Variants in SNX9 observed in about 807,000 individuals in gnomAD.
SNX9 encodes the protein sorting nexin-9.
Under a neutral mutation model 89.4 loss-of-function variants are expected in SNX9, and 44 were observed. That is an observed-to-expected ratio of 0.49 (90% CI 0.39 to 0.63). SNX9 has a LOEUF of 0.63. Ranked by LOEUF, SNX9 falls within the 30% of genes least tolerant of loss-of-function variation. The pLI is 0.00. For missense variants in SNX9, 578 were observed against 736.1 expected (o/e 0.79, Z 2.49); for synonymous variants, 236 against 247.8 (o/e 0.95, Z 0.45).
At chr6:157,914,546 AG>A (rs2115184588) in intron 9 of SNX9, among the ~76,000 whole-genome samples, 1 of 129,834 alleles carries the variant, frequency 7.7e-6, no homozygotes, top group South Asian at 2.3e-4. Flanking sequence ...GCACCATCTC[AG>A]CTCACTACAA....
At chr6:157,855,973 G>T (rs535715144) in intron 1 of SNX9, among the ~76,000 whole-genome samples, 4 of 152,032 alleles carry the variant, frequency 2.6e-5, no homozygotes, top group Non-Finnish European at 5.9e-5. Flanking sequence ...GCTCTTGAAC[G>T]CCTGACCTCA....
intron 4 of SNX9, chr6:157,892,904 G>A (rs759792354): frequency 1.3e-5 from 2 of 152,206 alleles, no homozygotes; most frequent in Non-Finnish European, 2.9e-5. Flanking sequence ...CAGCGGAAGA[G>A]AGGTAGAGCT....
chr6:157,940,069 C>T (rs1562626427), intron 16 of SNX9, among the ~76,000 whole-genome samples: 1 of 152,318 alleles, frequency 6.6e-6, no homozygotes, highest in Middle Eastern at 3.4e-3. Context: ...TGAGTTCTGA[C>T]AGCGTCGCTG....
At chr6:157,932,669 C>T (rs1007306498) in intron 13 of SNX9, among the ~76,000 whole-genome samples, 7 of 151,564 alleles carry the variant, frequency 4.6e-5, no homozygotes, top group African/African-American at 1.7e-4. Context: ...AGTTTGAGAC[C>T]AGCCTGGGCA....
At chr6:157,897,240 A>C (rs1017257377) in intron 5 of SNX9, among the ~76,000 whole-genome samples, 3 of 152,096 alleles carry the variant, frequency 2.0e-5, no homozygotes, top group Admixed American at 6.5e-5. Context: ...CACCACTCCC[A>C]CCTTGGGTTC....
At chr6:157,941,742 G>A (rs969315098) in intron 17 of SNX9, among the ~76,000 whole-genome samples, 2 of 152,178 alleles carry the variant, frequency 1.3e-5, no homozygotes, top group African/African-American at 2.4e-5. Context: ...TGCTGAAAAC[G>A]CCTGTCTCCA....
At chr6:157,869,948 A>G (rs991798996) in intron 2 of SNX9, among the ~76,000 whole-genome samples, 5 of 151,632 alleles carry the variant, frequency 3.3e-5, no homozygotes, top group East Asian at 1.9e-4. Context: ...TACACTTTAC[A>G]TACTCTTTCA....
chr6:157,866,187 T>G (rs1288406931), intron 1 of SNX9, among the ~76,000 whole-genome samples: 3 of 152,254 alleles, frequency 2.0e-5, no homozygotes, highest in Non-Finnish European at 4.4e-5. Flanking sequence ...TCAGTGTTTC[T>G]GGACCCTGTC....
At chr6:157,855,685 A>T (rs1427779956) in intron 1 of SNX9, among the ~76,000 whole-genome samples, 1 of 152,198 alleles carries the variant, frequency 6.6e-6, no homozygotes, top group East Asian at 1.9e-4. Flanking sequence ...AGCAATCTTT[A>T]GTCTGTGTTA....
intron 1 of SNX9, among the ~76,000 whole-genome samples, chr6:157,852,134 G>T (rs1781926700): frequency 6.6e-6 from 1 of 152,136 alleles, no homozygotes; most frequent in Admixed American, 6.5e-5. Flanking sequence ...AGTGGAATTT[G>T]CTGGATCATA....
intron 9 of SNX9, among the ~76,000 whole-genome samples, chr6:157,920,388 G>A (rs1032170101): frequency 1.3e-5 from 2 of 152,144 alleles, no homozygotes; most frequent in East Asian, 3.9e-4. Context: ...CATTGAACAT[G>A]GCATCTCCCA....
intron 1 of SNX9, among the ~76,000 whole-genome samples, chr6:157,839,811 C>T (rs1781659063): frequency 6.6e-6 from 1 of 152,224 alleles, no homozygotes; most frequent in African/African-American, 2.4e-5. Flanking sequence ...AGTTTAGTAA[C>T]TCTCTCCACC....
intron 5 of SNX9, among the ~76,000 whole-genome samples, chr6:157,897,502 G>A (rs1187515186): frequency 3.9e-5 from 6 of 151,908 alleles, no homozygotes; most frequent in Non-Finnish European, 8.8e-5. Flanking sequence ...AGGCATGATC[G>A]ATTATTGTTA....
intron 11 of SNX9, among the ~76,000 whole-genome samples, chr6:157,927,728 T>G (rs1783724016): frequency 2.3e-5 from 2 of 87,718 alleles, no homozygotes; most frequent in South Asian, 7.9e-4. Context: ...CTTTTTTTTT[T>G]TTTTTTTTTT....
chr6:157,825,995 A>AT (rs1781336543), intron 1 of SNX9, among the ~76,000 whole-genome samples: 1 of 152,182 alleles, frequency 6.6e-6, no homozygotes, highest in Non-Finnish European at 1.5e-5. Flanking sequence ...GTATCTGGAT[A>AT]TTTTAAGGGA....
intron 4 of SNX9, among the ~76,000 whole-genome samples, chr6:157,875,487 G>A (rs899855690): frequency 2.6e-5 from 4 of 152,192 alleles, no homozygotes; most frequent in East Asian, 1.9e-4. Context: ...ATGGAAAGAA[G>A]AGGAAGAAGA....
At chr6:157,929,856 A>G (rs1044003641) in intron 12 of SNX9, among the ~76,000 whole-genome samples, 1 of 152,242 alleles carries the variant, frequency 6.6e-6, no homozygotes, top group Non-Finnish European at 1.5e-5. Flanking sequence ...CAGTATTACT[A>G]TTCAATCCAG....
chr6:157,890,383 T>C (rs1452536103), intron 4 of SNX9, among the ~76,000 whole-genome samples: 1 of 152,236 alleles, frequency 6.6e-6, no homozygotes, highest in African/African-American at 2.4e-5. Flanking sequence ...GTGAATGTGT[T>C]TAAATAAGTC....
intron 1 of SNX9, among the ~76,000 whole-genome samples, chr6:157,850,373 A>T (rs1367852627): frequency 2.0e-5 from 3 of 152,170 alleles, no homozygotes; most frequent in Non-Finnish European, 4.4e-5. Context: ...AAGAGAAGGT[A>T]TTATTCAAAG....
Sources: gnomAD v4.1 joint callset for allele counts (sites outside exome capture counted in the v4.1 genomes callset) on GRCh38, gnomAD v4.1.1 for gene constraint, MANE v1.5 for transcripts, NCBI Gene and HGNC (gene_info 2026-07-23, HGNC 2026-07-21) for gene names.